UST: variants seen among roughly 807,000 people sequenced by gnomAD.
UST encodes the protein uronyl 2-sulfotransferase.
UST carries 21 observed loss-of-function variants against 45.6 expected under a neutral mutation model. The ratio of observed to expected loss-of-function variants is 0.46; its 90% CI spans 0.33 to 0.66. The LOEUF (loss-of-function observed/expected upper bound fraction) is 0.66, where lower values mean the gene tolerates loss of function less well. UST is among the 30% of genes least tolerant of loss of function. UST has a pLI of 0.02. For missense variants in UST, 463 were observed against 512.4 expected (o/e 0.90, Z 0.93); for synonymous variants, 215 against 200.6 (o/e 1.07, Z -0.61).
At chr6:148,906,727 G>C (rs1213806523) in intron 2 of UST, among the ~76,000 whole-genome samples, 1 of 152,204 alleles carries the variant, frequency 6.6e-6, no homozygotes, top group African/African-American at 2.4e-5. Flanking sequence ...AATTTCTGCT[G>C]TCCTGTTTCC....
At chr6:148,960,280 A>T (rs1236991332) in intron 4 of UST, among the ~76,000 whole-genome samples, 1 of 151,918 alleles carries the variant, frequency 6.6e-6, no homozygotes, top group African/African-American at 2.4e-5. Flanking sequence ...CAAGAGCGAA[A>T]CTCCGTCTCA....
chr6:149,019,110 AC>A (rs770006726), intron 5 of UST, 28 bp from the exon 6 acceptor site: 1 of 1,517,170 alleles, frequency 6.6e-7, no homozygotes, highest in Admixed American at 1.7e-5. Flanking sequence ...AGACTACAAG[AC>A]ATCTGACTGC....
intron 2 of UST, among the ~76,000 whole-genome samples, chr6:148,903,241 G>A (rs192553119): frequency 6.6e-6 from 1 of 152,124 alleles, no homozygotes; most frequent in Admixed American, 6.5e-5. Context: ...ATTATGTAAT[G>A]TAAAGTCCAT....
chr6:149,050,920 T>C (rs1444052598), intron 7 of UST, among the ~76,000 whole-genome samples: 1 of 152,078 alleles, frequency 6.6e-6, no homozygotes, highest in Admixed American at 6.5e-5. Context: ...TTGTTGAAAG[T>C]GTTGTAAAGG....
chr6:148,818,925 C>T (rs1162077941), intron 1 of UST, among the ~76,000 whole-genome samples: 1 of 152,078 alleles, frequency 6.6e-6, no homozygotes, highest in African/African-American at 2.4e-5. Context: ...TGCCCAACTG[C>T]TAAGGTATTC....
rs79496239 is a variant in UST, at chr6:148,878,697, G to A, written c.248-8289G>A. ...TCGTGTATGAGTGCGGGGGTCGTGT[G>A]TGAGTGCGGAGGTCGTGTATGAGTG... On this transcript the variant is annotated intron_variant, in intron 1 of 7. Transcript: ENST00000367463. Among the ~76,000 whole-genome samples, 172 of 47,316 alleles carry A rather than the reference G, an allele frequency of 3.6e-3. 7 individuals carry two copies. In the South Asian group the frequency reaches 0.074, roughly 20 times the overall value. The allele number at this position is 47,316 out of a possible 152,430, so 31.0% of individuals were successfully genotyped here.
At chr6:149,071,824 G>A (rs1261808878) in intron 7 of UST, among the ~76,000 whole-genome samples, 2 of 152,034 alleles carry the variant, frequency 1.3e-5, no homozygotes, top group African/African-American at 4.8e-5. Flanking sequence ...TCAAAAATGG[G>A]CAAAGGACTT....
At chr6:148,862,689 C>T (rs1005631867) in intron 1 of UST, among the ~76,000 whole-genome samples, 1 of 152,138 alleles carries the variant, frequency 6.6e-6, no homozygotes, top group Non-Finnish European at 1.5e-5. Flanking sequence ...TTAGGGCAGG[C>T]CTGGTGGTGA....
At chr6:148,771,874 T>C (rs938175713) in intron 1 of UST, among the ~76,000 whole-genome samples, 2 of 152,174 alleles carry the variant, frequency 1.3e-5, no homozygotes, top group Admixed American at 1.3e-4. Flanking sequence ...TATGTTACCA[T>C]TGTCCAGTCT....
At position 148,950,230 on chromosome 6, in the gene UST, G is replaced by A. The variant is rs115849061; in HGVS notation, c.448-3642G>A. On this transcript the variant is annotated intron_variant, in intron 3 of 7. Transcript: ENST00000367463. Reference sequence around the variant, plus strand: ...CCTTCTAATTCAGAAGGCCTGGGGCGGATCCTGAGAATTTGCATTTCTAAC... The same window carrying A: ...CCTTCTAATTCAGAAGGCCTGGGGCAGATCCTGAGAATTTGCATTTCTAAC... Among the ~76,000 whole-genome samples, 1,152 of 152,256 alleles carry A rather than the reference G, an allele frequency of 7.6e-3. 16 individuals are homozygous for A. Among genetic ancestry groups the A allele is most frequent in the African/African-American group, 0.026 (1,076 of 41,534 alleles).
intron 1 of UST, among the ~76,000 whole-genome samples, chr6:148,820,246 C>G (rs1777430530): frequency 6.6e-6 from 1 of 152,132 alleles, no homozygotes. Context: ...CAAAAAATTC[C>G]CATATGCCCT....
chr6:148,819,616 G>A (rs1777417784), intron 1 of UST, among the ~76,000 whole-genome samples: 1 of 152,192 alleles, frequency 6.6e-6, no homozygotes, highest in African/African-American at 2.4e-5. Flanking sequence ...AACAAGTTAA[G>A]AACTGGAGTT....
chr6:149,043,562 G>T (rs1776357709), intron 7 of UST, among the ~76,000 whole-genome samples: 1 of 152,258 alleles, frequency 6.6e-6, no homozygotes, highest in African/African-American at 2.4e-5. Context: ...TTTTCTGAGG[G>T]CTGGCCCTAC....
intron 1 of UST, among the ~76,000 whole-genome samples, chr6:148,751,049 G>A (rs556619334): frequency 4.8e-4 from 73 of 152,286 alleles, no homozygotes; most frequent in Non-Finnish European, 8.2e-4. Flanking sequence ...CAATCTGTGC[G>A]TCAGCAAGTC....
intron 2 of UST, among the ~76,000 whole-genome samples, chr6:148,935,117 G>A (rs899781229): frequency 6.6e-6 from 1 of 152,182 alleles, no homozygotes; most frequent in African/African-American, 2.4e-5. Context: ...TCATCTGGTG[G>A]TGGTTCCTGT....
intron 7 of UST, among the ~76,000 whole-genome samples, chr6:149,062,782 C>T (rs1486434387): frequency 1.3e-5 from 2 of 152,222 alleles, no homozygotes; most frequent in African/African-American, 4.8e-5. Context: ...CAGCCTTGAG[C>T]TGGTCTTGTG....
At chr6:148,806,896 A>G (rs547794337) in intron 1 of UST, among the ~76,000 whole-genome samples, 17 of 152,266 alleles carry the variant, frequency 1.1e-4, no homozygotes, top group African/African-American at 3.9e-4. Flanking sequence ...CACTCCCACT[A>G]TGGCGGCATT....
At chr6:148,964,864 G>T (rs1471280041) in intron 5 of UST, among the ~76,000 whole-genome samples, 1 of 152,194 alleles carries the variant, frequency 6.6e-6, no homozygotes, top group Admixed American at 6.5e-5. Context: ...GACTAGCACT[G>T]TAGTGCTTAA....
intron 1 of UST, among the ~76,000 whole-genome samples, chr6:148,820,541 C>G (rs1327594390): frequency 6.6e-6 from 1 of 152,048 alleles, no homozygotes; most frequent in African/African-American, 2.4e-5. Flanking sequence ...AATGCATAAA[C>G]CCCATTAAAA....
Sources: allele counts gnomAD v4.1 joint callset (sites outside exome capture counted in the v4.1 genomes callset), GRCh38; gene constraint gnomAD v4.1.1; transcripts MANE v1.5; gene names NCBI Gene and HGNC (gene_info 2026-07-23, HGNC 2026-07-21).